The following LRRC4C variants were observed in gnomAD, a reference collection of about 807,000 sequenced individuals.
The protein encoded by LRRC4C is leucine-rich repeat-containing protein 4C.
A neutral mutation model predicts 33.6 loss-of-function variants in LRRC4C; 5 were observed. The ratio of observed to expected loss-of-function variants is 0.15; its 90% CI spans 0.08 to 0.31. The LOEUF (loss-of-function observed/expected upper bound fraction) is 0.31. Among genes scored for constraint, LRRC4C ranks in the 10% least tolerant of loss-of-function variants. The pLI, the probability that LRRC4C is intolerant of heterozygous loss-of-function variation, is 1.00. For synonymous variants in LRRC4C, 329 were observed against 302.0 expected, an observed-to-expected ratio of 1.09 and a Z score of -0.93; for missense variants, 560 against 796.7, an observed-to-expected ratio of 0.70 and a Z score of 3.58.
chr11:41,325,261 T>A (rs916562696), intron 1 of LRRC4C, among the ~76,000 whole-genome samples: 15 of 152,130 alleles, frequency 9.9e-5, no homozygotes, highest in African/African-American at 3.6e-4. Flanking sequence ...GAATGATTCT[T>A]GACAAAATAA....
chr11:41,066,170 T>C (rs1030386180), intron 1 of LRRC4C, among the ~76,000 whole-genome samples: 1 of 152,030 alleles, frequency 6.6e-6, no homozygotes, highest in African/African-American at 2.4e-5. Context: ...AGAACATTGA[T>C]AAAAGGTTAC....
At chr11:41,231,533 G>T (rs1022876605) in intron 1 of LRRC4C, among the ~76,000 whole-genome samples, 3 of 146,708 alleles carry the variant, frequency 2.0e-5, no homozygotes, top group African/African-American at 5.1e-5. Flanking sequence ...ACCAAACACC[G>T]CATGTTCTCA....
intron 1 of LRRC4C, among the ~76,000 whole-genome samples, chr11:40,976,652 G>A (rs1291512973): frequency 3.3e-5 from 5 of 152,160 alleles, no homozygotes; most frequent in African/African-American, 1.2e-4. Flanking sequence ...TGGAATGGCA[G>A]AGGTTTTCTA....
At chr11:40,924,515 G>A (rs570744478) in intron 2 of LRRC4C, among the ~76,000 whole-genome samples, 132 of 152,238 alleles carry the variant, frequency 8.7e-4, no homozygotes, top group Middle Eastern at 3.4e-3. Flanking sequence ...GGGTGGGATA[G>A]AGAAAGATTA....
chr11:40,244,613 C>T (rs952475061), intron 4 of LRRC4C, among the ~76,000 whole-genome samples: 14 of 152,092 alleles, frequency 9.2e-5, no homozygotes, highest in African/African-American at 3.1e-4. Context: ...TCCTTATGTC[C>T]CTTTACGTGG....
At chr11:40,291,581 G>T (rs1944193518) in intron 4 of LRRC4C, among the ~76,000 whole-genome samples, 1 of 152,106 alleles carries the variant, frequency 6.6e-6, no homozygotes, top group Non-Finnish European at 1.5e-5. Flanking sequence ...TGTGAACCCG[G>T]GTAATCTGAA....
intron 3 of LRRC4C, among the ~76,000 whole-genome samples, chr11:40,572,329 A>G (rs996714273): frequency 7.9e-5 from 12 of 152,184 alleles, no homozygotes; most frequent in East Asian, 3.9e-4. Context: ...GATGAACACT[A>G]TCTGAGAGAA....
At chr11:40,965,439 T>C (rs1851282060) in intron 1 of LRRC4C, among the ~76,000 whole-genome samples, 1 of 152,200 alleles carries the variant, frequency 6.6e-6, no homozygotes, top group Admixed American at 6.6e-5. Flanking sequence ...ATGAAGTCCT[T>C]GTCCATGCCT....
At chr11:40,236,479 T>C (rs1206237740) in intron 5 of LRRC4C, among the ~76,000 whole-genome samples, 2 of 152,208 alleles carry the variant, frequency 1.3e-5, no homozygotes, top group East Asian at 3.8e-4. Flanking sequence ...TAATTCTTTA[T>C]TTCATGGGCA....
intron 6 of LRRC4C, among the ~76,000 whole-genome samples, chr11:40,123,802 C>T (rs1856004963): frequency 6.6e-6 from 1 of 152,010 alleles, no homozygotes; most frequent in South Asian, 2.1e-4. Flanking sequence ...ACAAAAAGAA[C>T]AAAACTGGAG....
At chr11:40,990,231 T>A (rs1212483576) in intron 1 of LRRC4C, among the ~76,000 whole-genome samples, 12 of 78,222 alleles carry the variant, frequency 1.5e-4, no homozygotes, top group African/African-American at 4.0e-4. Context: ...ATGTCAAGTT[T>A]TATATATATA....
rs560605057 is a variant in LRRC4C, at chr11:40,521,365, T to C, written c.-270+126777A>G. 2.6e-5 allele frequency among the ~76,000 whole-genome samples: 4 copies of C among 152,358 alleles called. No individual in the cohort carries two copies. The East Asian group carries it at 7.7e-4, about 29-fold the overall frequency. On this transcript the variant is annotated intron_variant, in intron 3 of 6. Transcript: ENST00000528697. ...TAGTGAGTAATAAGAAAGAGTCAGC[T>C]TGGAGGCTGGATTTATAGCAATCAG...
intron 2 of LRRC4C, among the ~76,000 whole-genome samples, chr11:40,815,962 T>C (rs971135834): frequency 8.5e-5 from 13 of 152,180 alleles, no homozygotes; most frequent in African/African-American, 2.9e-4. Context: ...TAGTCAAAAT[T>C]ATTTAATGCG....
At chr11:41,247,126 T>C (rs1948479480) in intron 1 of LRRC4C, among the ~76,000 whole-genome samples, 1 of 152,236 alleles carries the variant, frequency 6.6e-6, no homozygotes, top group African/African-American at 2.4e-5. Context: ...TAAAGGGCTA[T>C]GTAGTGTGAA....
intron 4 of LRRC4C, among the ~76,000 whole-genome samples, chr11:40,282,432 G>A (rs562865011): frequency 6.6e-6 from 1 of 152,128 alleles, no homozygotes; most frequent in Admixed American, 6.6e-5. Flanking sequence ...CATAAGGAAT[G>A]TAGTGGTCAG....
At chr11:41,156,729 T>C (rs1347596816) in intron 1 of LRRC4C, among the ~76,000 whole-genome samples, 1 of 151,950 alleles carries the variant, frequency 6.6e-6, no homozygotes, top group Admixed American at 6.6e-5. Flanking sequence ...GGGCAGCAAG[T>C]TGCAGTATTA....
intron 1 of LRRC4C, among the ~76,000 whole-genome samples, chr11:41,079,760 A>G (rs1939424347): frequency 6.6e-6 from 1 of 152,158 alleles, no homozygotes; most frequent in Admixed American, 6.5e-5. Context: ...AACTTTCTTA[A>G]AACTTTATGA....
chr11:40,804,877 A>T (rs1951180244), intron 2 of LRRC4C, among the ~76,000 whole-genome samples: 1 of 152,234 alleles, frequency 6.6e-6, no homozygotes, highest in African/African-American at 2.4e-5. Context: ...TGCTTAAAGT[A>T]ATCCATAAAA....
chr11:41,255,991 G>A (rs1014573048), intron 1 of LRRC4C, among the ~76,000 whole-genome samples: 2 of 151,766 alleles, frequency 1.3e-5, no homozygotes, highest in African/African-American at 4.8e-5. Flanking sequence ...AAAAACAAAA[G>A]GGCAACTTCT....
Sources: allele counts gnomAD v4.1 joint callset (sites outside exome capture counted in the v4.1 genomes callset), GRCh38; gene constraint gnomAD v4.1.1; transcripts MANE v1.5; gene names NCBI Gene and HGNC (gene_info 2026-07-23, HGNC 2026-07-21).